The following RHEB variants were observed in gnomAD, a reference collection of about 807,000 sequenced individuals.
RHEB encodes the protein Ras homolog, mTORC1 binding.
Under a neutral mutation model 28.8 loss-of-function variants are expected in RHEB, and 2 were observed. That is an observed-to-expected ratio of 0.07 (90% CI 0.03 to 0.22). The LOEUF (loss-of-function observed/expected upper bound fraction) is 0.22, where lower values mean the gene tolerates loss of function less well. Among genes scored for constraint, RHEB ranks in the 10% least tolerant of loss-of-function variants. The pLI, the probability that RHEB is intolerant of heterozygous loss-of-function variation, is 1.00. For synonymous variants in RHEB, 69 were observed against 77.3 expected (o/e 0.89, Z 0.56); for missense variants, 76 against 219.9 (o/e 0.35, Z 4.14).
At chr7:151,514,331 GT>G (rs764708853) in intron 1 of RHEB, among the ~76,000 whole-genome samples, 15 of 152,160 alleles carry the variant, frequency 9.9e-5, no homozygotes, top group African/African-American at 3.6e-4. Context: ...CTTCTAAGAT[GT>G]GACACCAAAA....
At chr7:151,503,511 A>C (rs1584864479) in intron 1 of RHEB, 2 of 812,518 alleles carry the variant, frequency 2.5e-6, no homozygotes, top group East Asian at 5.3e-5. Context: ...CCAACCCAAG[A>C]AGCATACCCA....
chr7:151,498,078 AT>A, intron 1 of RHEB: 1 of 1,281,578 alleles, frequency 7.8e-7, no homozygotes, highest in Non-Finnish European at 1.0e-6. Context: ...TTACAGCTCC[AT>A]TTTACTCACC....
At chr7:151,516,622 C>CAAAAAAAAAAAAAA (rs551863062) in intron 1 of RHEB, among the ~76,000 whole-genome samples, 1 of 91,978 alleles carries the variant, frequency 1.1e-5, no homozygotes, top group Non-Finnish European at 2.1e-5. Context: ...GACTCTGTCA[C>CAAAAAAAAAAAAAA]AAAAAAAAAA....
rs1393706491 is a variant in RHEB at position 151,490,965 on chromosome 7, G to C, written c.102C>G (p.Ser34=). Residue 34 remains serine, a synonymous_variant, in exon 2 of 8, where the codon TCC becomes TCG. Coordinates refer to ENST00000262187, the MANE Select transcript of RHEB (RefSeq NM_005614.4). ...IQFVEGQFVD[S]YDPTIENTFT... is the part of the protein sequence containing the mutation. ...TACTGTTTTCTATGGTTGGATCGTA[G>C]GAGTCCACAAATTGGCCTTCAACAA... The C allele has an allele frequency of 1.9e-6, 3 of 1,612,378 alleles. No homozygotes were observed. Among genetic ancestry groups the C allele is most frequent in the Non-Finnish European group, 2.5e-6 (3 of 1,178,930 alleles).
At chr7:151,503,409 C>T (rs1802808283) in intron 1 of RHEB, 1 of 1,173,954 alleles carries the variant, frequency 8.5e-7, no homozygotes, top group Non-Finnish European at 1.3e-6. Flanking sequence ...GAGTAGATTT[C>T]CAGGGAATGG....
intron 1 of RHEB, among the ~76,000 whole-genome samples, chr7:151,514,801 C>CT (rs1464796343): frequency 6.6e-6 from 1 of 152,090 alleles, no homozygotes; most frequent in Non-Finnish European, 1.5e-5. Flanking sequence ...CACTGGGAGA[C>CT]TGAGACCAGA....
intron 3 of RHEB, among the ~76,000 whole-genome samples, chr7:151,481,990 T>C (rs536828112): frequency 2.0e-5 from 3 of 152,262 alleles, no homozygotes; most frequent in Non-Finnish European, 2.9e-5. Flanking sequence ...ATATTCCAAC[T>C]TGATAAGTAG....
chr7:151,481,337 T>A (rs965118), intron 3 of RHEB, among the ~76,000 whole-genome samples: 60,620 of 152,140 alleles, frequency 0.4, 14,211 homozygotes, highest in South Asian at 0.6. Flanking sequence ...TACTAAGTAG[T>A]AAATAGAACT....
chr7:151,507,020 C>G (rs534463220), intron 1 of RHEB, among the ~76,000 whole-genome samples: 1 of 152,228 alleles, frequency 6.6e-6, no homozygotes, highest in Non-Finnish European at 1.5e-5. Context: ...CTGCTGCATT[C>G]TGCAGGCTCA....
chr7:151,508,430 G>C (rs1188310805), intron 1 of RHEB, among the ~76,000 whole-genome samples: 1 of 152,186 alleles, frequency 6.6e-6, no homozygotes, highest in African/African-American at 2.4e-5. Flanking sequence ...TACATGGACA[G>C]TAAGTACCTG....
chr7:151,490,810 C>G, intron 2 of RHEB, 133 bp downstream of exon 2: 1 of 749,714 alleles, frequency 1.3e-6, no homozygotes, highest in Non-Finnish European at 2.4e-6. Flanking sequence ...AAATCTTTTG[C>G]AAGTTTTCTT....
chr7:151,480,041 A>G (rs1267379851), intron 3 of RHEB, among the ~76,000 whole-genome samples: 1 of 152,238 alleles, frequency 6.6e-6, no homozygotes, highest in African/African-American at 2.4e-5. Context: ...CTCACCTATC[A>G]GATTGGTAAG....
chr7:151,486,187 A>C (rs982171567), intron 2 of RHEB, among the ~76,000 whole-genome samples: 7 of 152,230 alleles, frequency 4.6e-5, no homozygotes, highest in Non-Finnish European at 1.0e-4. Flanking sequence ...AGTGTATTTC[A>C]GATTTGATGA....
rs1379017388 is a variant in RHEB at position 151,479,289 on chromosome 7, C to A, written c.193-1874G>T. Reference sequence around the variant, plus strand: ...GAATGGCTAAGCTGGAACTCCAATTCACACTTTGGCAAAAACATATTCCAG... The same window carrying A: ...GAATGGCTAAGCTGGAACTCCAATTAACACTTTGGCAAAAACATATTCCAG... On this transcript the variant is annotated intron_variant, in intron 3 of 7. Transcript: ENST00000262187. Among the ~76,000 whole-genome samples, 3 of 151,940 alleles carry A rather than the reference C, an allele frequency of 2.0e-5. No individual in the cohort carries two copies. In the East Asian group the frequency reaches 5.8e-4, roughly 29 times the overall value.
At chr7:151,502,863 T>A in intron 1 of RHEB, 3 of 896,100 alleles carry the variant, frequency 3.3e-6, no homozygotes, top group Non-Finnish European at 5.7e-6. Flanking sequence ...GACTTTGAAC[T>A]AAGTCAATCT....
chr7:151,471,509 A>C (rs1320345935), intron 5 of RHEB, 40 bp downstream of exon 5: 1 of 1,561,978 alleles, frequency 6.4e-7, no homozygotes, highest in African/African-American at 1.4e-5. Context: ...TACTATTAAA[A>C]GAAGTTTCTC....
At chr7:151,471,264 C>T in intron 6 of RHEB, 130 bp downstream of exon 6, 2 of 658,966 alleles carry the variant, frequency 3.0e-6, no homozygotes. Context: ...GCTTCTGCTG[C>T]ACACGACCAT....
intron 2 of RHEB, among the ~76,000 whole-genome samples, chr7:151,487,670 T>C (rs1279044936): frequency 1.3e-5 from 2 of 151,922 alleles, no homozygotes; most frequent in South Asian, 2.1e-4. Context: ...AAAAGGGAGG[T>C]ATAATAAGAG....
chr7:151,516,367 G>GT (rs1311494891), intron 1 of RHEB, among the ~76,000 whole-genome samples: 1 of 152,124 alleles, frequency 6.6e-6, no homozygotes, highest in Non-Finnish European at 1.5e-5. Flanking sequence ...ACTCATGCCT[G>GT]TAATCCCAGC....
Sources: allele counts gnomAD v4.1 joint callset (sites outside exome capture counted in the v4.1 genomes callset), GRCh38; gene constraint gnomAD v4.1.1; transcripts MANE v1.5; gene names NCBI Gene and HGNC (gene_info 2026-07-23, HGNC 2026-07-21).